Variants in SLC24A2 observed in about 807,000 individuals in gnomAD.
SLC24A2 encodes solute carrier family 24 member 2, also known as sodium/potassium/calcium exchanger 2.
A neutral mutation model predicts 62.0 loss-of-function variants in SLC24A2; 36 were observed. The ratio of observed to expected loss-of-function variants is 0.58; its 90% CI spans 0.44 to 0.77. The LOEUF (loss-of-function observed/expected upper bound fraction) is 0.77. SLC24A2 is among the 30% of genes least tolerant of loss of function. The pLI, the probability that SLC24A2 is intolerant of heterozygous loss-of-function variation, is 0.00. For missense variants in SLC24A2, 846 were observed against 817.9 expected (o/e 1.03, Z -0.42); for synonymous variants, 358 against 294.0 (o/e 1.22, Z -2.23).
chr9:20,067,090 C>A, the SLC24A2 span, among the ~76,000 whole-genome samples: 37 of 152,078 alleles, frequency 2.4e-4, no homozygotes, highest in Admixed American at 1.6e-3. Flanking sequence ...TCAAAGGTTT[C>A]TTTTTATTAA....
chr9:19,753,993 G>A (rs1464617957), intron 2 of SLC24A2, among the ~76,000 whole-genome samples: 1 of 152,108 alleles, frequency 6.6e-6, no homozygotes, highest in Admixed American at 6.6e-5. Context: ...GTATGAAAAT[G>A]ACTGATTACA....
the SLC24A2 span, among the ~76,000 whole-genome samples, chr9:20,003,097 T>A: frequency 3.3e-5 from 5 of 152,174 alleles, no homozygotes; most frequent in Admixed American, 6.5e-5. Context: ...TTGAATTAGA[T>A]ATGGTGGTGA....
chr9:19,554,159 G>C (rs890683628), intron 7 of SLC24A2, among the ~76,000 whole-genome samples: 16 of 152,164 alleles, frequency 1.1e-4, no homozygotes, highest in African/African-American at 2.7e-4. Context: ...ACAGAAGAAA[G>C]GCCACATGAA....
chr9:19,753,754 G>C (rs994735656), intron 2 of SLC24A2, among the ~76,000 whole-genome samples: 1 of 152,136 alleles, frequency 6.6e-6, no homozygotes, highest in Non-Finnish European at 1.5e-5. Flanking sequence ...ATGTACTAGT[G>C]AGAAAAGCAA....
At chr9:19,619,095 C>T (rs1817842664) in intron 4 of SLC24A2, among the ~76,000 whole-genome samples, 1 of 152,150 alleles carries the variant, frequency 6.6e-6, no homozygotes, top group Non-Finnish European at 1.5e-5. Context: ...CACCTCCCAC[C>T]CTCCAATTGC....
the SLC24A2 span, among the ~76,000 whole-genome samples, chr9:20,273,241 T>G: frequency 7.6e-4 from 116 of 152,328 alleles, 1 homozygote; most frequent in South Asian, 8.3e-3. Flanking sequence ...CCTTTTTGTG[T>G]GAAAGCTAGC....
chr9:20,166,521 C>T, the SLC24A2 span, among the ~76,000 whole-genome samples: 176 of 151,970 alleles, frequency 1.2e-3, no homozygotes, highest in Admixed American at 3.2e-3. Context: ...TTCCAGGATA[C>T]CTTATTAGGT....
chr9:20,167,999 T>G, the SLC24A2 span, among the ~76,000 whole-genome samples: 10 of 152,002 alleles, frequency 6.6e-5, no homozygotes, highest in South Asian at 1.0e-3. Flanking sequence ...TCTTTCCTTG[T>G]TTGACACTGA....
At chr9:20,270,617 C>T in the SLC24A2 span, among the ~76,000 whole-genome samples, 1 of 152,166 alleles carries the variant, frequency 6.6e-6, no homozygotes, top group Non-Finnish European at 1.5e-5. Context: ...CTGGTCTCTG[C>T]TAGAGAGGTA....
intron 10 of SLC24A2, among the ~76,000 whole-genome samples, chr9:19,517,953 A>ACACT (rs1554666866): frequency 0.078 from 9,729 of 124,186 alleles, 432 homozygotes; most frequent in South Asian, 0.21. Context: ...ACACACACAC[A>ACACT]CACACTCTCA....
chr9:19,954,682 G>A, the SLC24A2 span, among the ~76,000 whole-genome samples: 2 of 151,874 alleles, frequency 1.3e-5, no homozygotes, highest in Non-Finnish European at 2.9e-5. Flanking sequence ...CCCTTCTCTA[G>A]GGAAAATAGC....
chr9:19,531,953 T>C (rs1833729460), intron 8 of SLC24A2, among the ~76,000 whole-genome samples: 1 of 152,178 alleles, frequency 6.6e-6, no homozygotes, highest in Non-Finnish European at 1.5e-5. Flanking sequence ...TTAGACAATA[T>C]AGTCATGCCC....
chr9:20,008,195 C>A, the SLC24A2 span, among the ~76,000 whole-genome samples: 1 of 152,038 alleles, frequency 6.6e-6, no homozygotes, highest in Non-Finnish European at 1.5e-5. Flanking sequence ...TGCGCCTGGC[C>A]CCTCTTCCCT....
At chr9:20,130,170 AT>A in the SLC24A2 span, among the ~76,000 whole-genome samples, 1 of 152,146 alleles carries the variant, frequency 6.6e-6, no homozygotes, top group Non-Finnish European at 1.5e-5. Flanking sequence ...TATTTCTTAA[AT>A]ATGTACAAAA....
chr9:19,830,809 C>G, the SLC24A2 span, among the ~76,000 whole-genome samples: 76 of 152,290 alleles, frequency 5.0e-4, no homozygotes, highest in African/African-American at 1.7e-3. Context: ...GTATGCCTGA[C>G]TGTCTTAGTC....
chr9:19,840,013 A>G, the SLC24A2 span, among the ~76,000 whole-genome samples: 2 of 152,228 alleles, frequency 1.3e-5, no homozygotes, highest in African/African-American at 4.8e-5. Context: ...AAATCACCTA[A>G]GGATGCATTT....
chr9:19,611,354 A>G (rs1837160055), intron 4 of SLC24A2, among the ~76,000 whole-genome samples: 1 of 148,244 alleles, frequency 6.7e-6, no homozygotes, highest in Non-Finnish European at 1.5e-5. Context: ...GGAAGGGAGG[A>G]AGGTGAGAGA....
intron 9 of SLC24A2, among the ~76,000 whole-genome samples, chr9:19,521,315 G>C (rs750834279): frequency 5.3e-5 from 8 of 152,228 alleles, no homozygotes; most frequent in Non-Finnish European, 7.3e-5. Context: ...GAGGGCTAGA[G>C]TGTAGCCTTT....
intron 2 of SLC24A2, among the ~76,000 whole-genome samples, chr9:19,662,326 T>G (rs1228596319): frequency 1.3e-5 from 2 of 152,192 alleles, no homozygotes; most frequent in African/African-American, 4.8e-5. Context: ...TACAACACAT[T>G]TCAATTCAGA....
Sources: allele counts gnomAD v4.1 joint callset (sites outside exome capture counted in the v4.1 genomes callset), GRCh38; gene constraint gnomAD v4.1.1; transcripts MANE v1.5; gene names NCBI Gene and HGNC (gene_info 2026-07-23, HGNC 2026-07-21).